Variants in PRDM5 observed in about 807,000 individuals in gnomAD.
PRDM5 encodes PR domain zinc finger protein 5.
A neutral mutation model predicts 81.2 loss-of-function variants in PRDM5; 56 were observed. The ratio of observed to expected loss-of-function variants is 0.69; its 90% CI spans 0.56 to 0.86. PRDM5 has a LOEUF of 0.86. Among genes scored for constraint, PRDM5 ranks in the 40% least tolerant of loss-of-function variants. The probability of loss-of-function intolerance (pLI) is 0.00; values close to 1 mark genes in which losing one functional copy is unlikely to be tolerated. For synonymous variants in PRDM5, 267 were observed against 256.4 expected (o/e 1.04, Z -0.39); for missense variants, 697 against 770.1 (o/e 0.91, Z 1.12).
chr4:120,768,810 GTTGTTC>G (rs1469925037), intron 13 of PRDM5, among the ~76,000 whole-genome samples: 1 of 152,180 alleles, frequency 6.6e-6, no homozygotes, highest in African/African-American at 2.4e-5. Flanking sequence ...TTGACCACAT[GTTGTTC>G]TTTATTCCCT....
chr4:120,718,332 T>G (rs182243272), intron 14 of PRDM5, among the ~76,000 whole-genome samples: 56 of 152,344 alleles, frequency 3.7e-4, no homozygotes, highest in African/African-American at 1.3e-3. Context: ...ATTTTAGGAC[T>G]TAAAGGGTAC....
At chr4:120,883,702 G>A (rs1424258180) in intron 2 of PRDM5, among the ~76,000 whole-genome samples, 5 of 151,902 alleles carry the variant, frequency 3.3e-5, no homozygotes, top group Non-Finnish European at 5.9e-5. Flanking sequence ...TGCACATTGT[G>A]CACATGTACC....
chr4:120,802,017 C>A (rs990986580), intron 8 of PRDM5, among the ~76,000 whole-genome samples: 3 of 151,946 alleles, frequency 2.0e-5, no homozygotes, highest in African/African-American at 7.3e-5. Flanking sequence ...AATTATTCAT[C>A]CACATATAAA....
intron 14 of PRDM5, among the ~76,000 whole-genome samples, chr4:120,712,587 C>G (rs964461938): frequency 6.6e-6 from 1 of 152,150 alleles, no homozygotes; most frequent in African/African-American, 2.4e-5. Flanking sequence ...CCTTGCCTTT[C>G]TCTACATTGT....
chr4:120,729,727 A>G (rs535649747), intron 14 of PRDM5, among the ~76,000 whole-genome samples: 156 of 152,374 alleles, frequency 1.0e-3, no homozygotes, highest in Non-Finnish European at 2.0e-3. Context: ...GGGACATGAA[A>G]TATCTCTTCC....
chr4:120,911,696 G>C (rs1766527187), intron 1 of PRDM5, among the ~76,000 whole-genome samples: 1 of 152,042 alleles, frequency 6.6e-6, no homozygotes, highest in Non-Finnish European at 1.5e-5. Context: ...AAAACTTAGG[G>C]ATTTAGATTA....
chr4:120,743,340 G>A (rs1311157958), intron 14 of PRDM5, among the ~76,000 whole-genome samples: 9 of 151,114 alleles, frequency 6.0e-5, no homozygotes, highest in African/African-American at 2.2e-4. Flanking sequence ...AAAATGTAAA[G>A]ACCATTGAGA....
chr4:120,838,301 TTTATC>T (rs1401682611), intron 3 of PRDM5: 1 of 152,208 alleles, frequency 6.6e-6, no homozygotes, highest in Non-Finnish European at 1.5e-5. Flanking sequence ...TTATTACTTA[TTTATC>T]TTGACACATA....
Position 120,710,321 on chromosome 4 carries a change from A to G in PRDM5, c.1716T>C (p.Pro572=). 2 of 1,613,900 alleles carry G rather than the reference A, an allele frequency of 1.2e-6. No individual in the cohort carries two copies. The highest frequency in any genetic ancestry group is 1.7e-6 in the Non-Finnish European group (2 of 1,179,974). The change falls in exon 15 of 16, where the codon CCT becomes CCC. Residue 572 remains proline, a synonymous_variant. Coordinates refer to ENST00000264808, the MANE Select transcript of PRDM5 (RefSeq NM_018699.4). The part of the protein sequence containing the change: ...EHKRTHTGEK[P]FQCDVCDLAF... Reference sequence around the variant, plus strand: ...AATCCAAACTCACATCACACTGAAAAGGCTTTTCTCCAGTGTGCGTCCTCT... The same window carrying G: ...AATCCAAACTCACATCACACTGAAAGGGCTTTTCTCCAGTGTGCGTCCTCT...
At chr4:120,744,743 T>C (rs1158000557) in intron 14 of PRDM5, among the ~76,000 whole-genome samples, 6 of 151,052 alleles carry the variant, frequency 4.0e-5, no homozygotes, top group Non-Finnish European at 5.9e-5. Context: ...AGAAGTTGAA[T>C]CTCTGAATAG....
At chr4:120,768,018 C>T (rs1746641719) in intron 13 of PRDM5, among the ~76,000 whole-genome samples, 1 of 152,174 alleles carries the variant, frequency 6.6e-6, no homozygotes. Context: ...AAACCTCTTT[C>T]CTCTATAAGT....
At chr4:120,840,606 C>A (rs975156969) in intron 3 of PRDM5, among the ~76,000 whole-genome samples, 41 of 152,146 alleles carry the variant, frequency 2.7e-4, no homozygotes, top group Admixed American at 3.3e-4. Flanking sequence ...GCCCCTTCCC[C>A]CCATGGGCAA....
intron 14 of PRDM5, among the ~76,000 whole-genome samples, chr4:120,726,800 A>G: frequency 6.6e-6 from 1 of 152,198 alleles, no homozygotes; most frequent in East Asian, 1.9e-4. Flanking sequence ...GGAGAGTGAT[A>G]GAAGCCTCTG....
chr4:120,803,763 A>G (rs1752475883), intron 8 of PRDM5, among the ~76,000 whole-genome samples: 2 of 152,236 alleles, frequency 1.3e-5, no homozygotes, highest in African/African-American at 4.8e-5. Context: ...CAAATTGTAA[A>G]GACCATCGAT....
intron 13 of PRDM5, among the ~76,000 whole-genome samples, chr4:120,775,078 C>T (rs1411590759): frequency 2.0e-5 from 3 of 151,264 alleles, no homozygotes; most frequent in African/African-American, 4.8e-5. Flanking sequence ...CTTACCACTG[C>T]TGTCTGAATT....
chr4:120,865,791 A>G (rs1761141618), intron 2 of PRDM5, among the ~76,000 whole-genome samples: 1 of 152,108 alleles, frequency 6.6e-6, no homozygotes, highest in Non-Finnish European at 1.5e-5. Flanking sequence ...TACTCTAGAA[A>G]TTGAATCTCA....
At chr4:120,763,453 A>G (rs941534210) in intron 13 of PRDM5, among the ~76,000 whole-genome samples, 2 of 152,150 alleles carry the variant, frequency 1.3e-5, no homozygotes, top group African/African-American at 4.8e-5. Flanking sequence ...CAGACAATAA[A>G]GGGTCTTGAT....
chr4:120,901,600 T>A (rs1323964179), intron 2 of PRDM5, among the ~76,000 whole-genome samples: 2 of 152,240 alleles, frequency 1.3e-5, no homozygotes. Context: ...AAAAGCAAAG[T>A]TCAACCTCTA....
intron 13 of PRDM5, among the ~76,000 whole-genome samples, chr4:120,775,231 T>C (rs976782474): frequency 1.8e-4 from 27 of 151,848 alleles, no homozygotes; most frequent in African/African-American, 6.5e-4. Flanking sequence ...AAATTATACA[T>C]AATATAGAAC....
Sources: allele counts gnomAD v4.1 joint callset (sites outside exome capture counted in the v4.1 genomes callset), GRCh38; gene constraint gnomAD v4.1.1; transcripts MANE v1.5; gene names NCBI Gene and HGNC (gene_info 2026-07-23, HGNC 2026-07-21).